CFAP221: variants seen among roughly 807,000 people sequenced by gnomAD.
CFAP221 encodes the protein cilia and flagella associated protein 221.
Under a neutral mutation model 113.1 loss-of-function variants are expected in CFAP221, and 97 were observed. The observed-to-expected ratio is 0.86, with a 90% CI of 0.73 to 1.02. CFAP221 has a LOEUF of 1.02. Ranked by LOEUF, CFAP221 falls within the 50% of genes least tolerant of loss-of-function variation. The pLI is 0.00. For synonymous variants in CFAP221, 331 were observed against 354.4 expected, an observed-to-expected ratio of 0.93 and a Z score of 0.74; for missense variants, 1,025 against 1,013.4, an observed-to-expected ratio of 1.01 and a Z score of -0.16.
intron 22 of CFAP221, among the ~76,000 whole-genome samples, chr2:119,650,934 C>T (rs1395148493): frequency 6.6e-6 from 1 of 152,148 alleles, no homozygotes; most frequent in Non-Finnish European, 1.5e-5. Context: ...ACTTCTGAAG[C>T]CTTTGTTGCC....
chr2:119,652,489 ATCTG>A (rs1436860245), intron 23 of CFAP221, among the ~76,000 whole-genome samples: 1 of 152,214 alleles, frequency 6.6e-6, no homozygotes, highest in Non-Finnish European at 1.5e-5. Flanking sequence ...AGAAAATAAA[ATCTG>A]TCTGTCACAG....
chr2:119,647,041 C>T lies in CFAP221; in HGVS notation c.2309C>T (p.Thr770Ile). The change falls in exon 22 of 24, where the codon ACA (threonine) becomes ATA (isoleucine). Residue 770 changes from threonine to isoleucine, a missense_variant. By Grantham distance (89) the Thr-to-Ile change is moderately conservative. Transcript: ENST00000413369. ...TTACCAGAAGAGGACAGACTAGAAACAGTAGAACGGTATTTTTTTTTTTTT... is the reference window on the plus strand; with the variant it reads ...TTACCAGAAGAGGACAGACTAGAAATAGTAGAACGGTATTTTTTTTTTTTT... ...DALPEEDRLE[T>I]VERELCEQNV... is the part of the protein sequence containing the mutation. 2 of 1,569,210 alleles carry T rather than the reference C, an allele frequency of 1.3e-6. No individual in the cohort carries two copies. Among genetic ancestry groups the T allele is most frequent in the Non-Finnish European group, 1.7e-6 (2 of 1,163,474 alleles).
chr2:119,599,686 AG>A (rs995205759), intron 7 of CFAP221, among the ~76,000 whole-genome samples: 1 of 152,112 alleles, frequency 6.6e-6, no homozygotes, highest in Non-Finnish European at 1.5e-5. Context: ...TCTCCTCACA[AG>A]GGGGGCCTTT....
At chr2:119,633,371 C>G (rs1195122305) in intron 19 of CFAP221, among the ~76,000 whole-genome samples, 2 of 151,156 alleles carry the variant, frequency 1.3e-5, no homozygotes, top group Non-Finnish European at 1.5e-5. Context: ...ATTAATTGGA[C>G]TTTGTCCAAA....
At chr2:119,612,781 A>G (rs1685267031) in intron 13 of CFAP221, among the ~76,000 whole-genome samples, 1 of 151,998 alleles carries the variant, frequency 6.6e-6, no homozygotes, top group Admixed American at 6.6e-5. Flanking sequence ...GGTCCTCCAA[A>G]TCTCATGTCC....
intron 12 of CFAP221, among the ~76,000 whole-genome samples, chr2:119,610,408 C>T (rs926215855): frequency 1.3e-5 from 2 of 152,068 alleles, no homozygotes; most frequent in Non-Finnish European, 2.9e-5. Context: ...AGGAGATGGC[C>T]TGAGAGTGAG....
At chr2:119,576,029 A>G (rs1055733502) in intron 6 of CFAP221, among the ~76,000 whole-genome samples, 1 of 152,180 alleles carries the variant, frequency 6.6e-6, no homozygotes, top group Non-Finnish European at 1.5e-5. Flanking sequence ...CTTTACCAAT[A>G]GGTGGGACTA....
At chr2:119,652,572 A>G (rs1443987812) in intron 23 of CFAP221, among the ~76,000 whole-genome samples, 1 of 152,216 alleles carries the variant, frequency 6.6e-6, no homozygotes, top group Admixed American at 6.5e-5. Flanking sequence ...TGTGAACCAG[A>G]GCTCAGTAAA....
At chr2:119,641,386 A>G (rs938544006) in intron 21 of CFAP221, among the ~76,000 whole-genome samples, 14 of 152,214 alleles carry the variant, frequency 9.2e-5, no homozygotes, top group African/African-American at 3.1e-4. Context: ...TCTGAAAACC[A>G]GCATCCTTGT....
At chr2:119,657,704 C>T (rs1186335480), downstream of CFAP221, among the ~76,000 whole-genome samples, 2 of 152,210 alleles carry the variant, frequency 1.3e-5, no homozygotes, top group Admixed American at 6.5e-5. Flanking sequence ...GATTGGTCAA[C>T]GTGTCCCCTT....
At chr2:119,624,048 A>G (rs1432571400) in intron 14 of CFAP221, among the ~76,000 whole-genome samples, 2 of 152,244 alleles carry the variant, frequency 1.3e-5, no homozygotes. Flanking sequence ...GAGCTTCTGC[A>G]CAGCAAAAGA....
At chr2:119,577,835 A>G (rs549083460) in intron 6 of CFAP221, among the ~76,000 whole-genome samples, 77 of 152,304 alleles carry the variant, frequency 5.1e-4, no homozygotes, top group African/African-American at 1.8e-3. Context: ...CAGGAAAGAG[A>G]ATGTTCTTTG....
chr2:119,650,964 A>C (rs558038144), intron 22 of CFAP221, among the ~76,000 whole-genome samples: 1 of 152,298 alleles, frequency 6.6e-6, no homozygotes. Flanking sequence ...TCTTGGAAGC[A>C]TTTCTCTAAT....
In CFAP221 at chr2:119,656,403, A is replaced by G. The variant is rs1688436827; in HGVS notation, c.2456A>G (p.Glu819Gly). 2 of 1,613,952 alleles carry G rather than the reference A, an allele frequency of 1.2e-6. No homozygotes were observed. The highest frequency in any genetic ancestry group is 1.7e-6 in the Non-Finnish European group (2 of 1,179,982). The change falls in exon 24 of 24, where the codon GAG becomes GGG. Residue 819 changes from glutamate to glycine, a missense_variant. Glu to Gly is a moderately conservative substitution (Grantham distance 98). Coordinates refer to ENST00000413369, the MANE Select transcript of CFAP221 (RefSeq NM_001271049.2). ...DQAQPAEKAG[E>G]KLLEEMRNLR... ...GCACAACCAGCAGAGAAGGCCGGAGAGAAGCTGCTCGAGGAGATGAGGAAC... is the reference window on the plus strand; with the variant it reads ...GCACAACCAGCAGAGAAGGCCGGAGGGAAGCTGCTCGAGGAGATGAGGAAC...
chr2:119,619,258 A>G (rs1685729739), intron 14 of CFAP221, among the ~76,000 whole-genome samples: 2 of 152,158 alleles, frequency 1.3e-5, no homozygotes, highest in Admixed American at 1.3e-4. Context: ...CTGCCTCCTC[A>G]AGTGGGTCTC....
downstream of CFAP221, among the ~76,000 whole-genome samples, chr2:119,659,378 G>A (rs1574255099): frequency 6.6e-6 from 1 of 152,300 alleles, no homozygotes; most frequent in African/African-American, 2.4e-5. Context: ...TTAGGTTCAT[G>A]TGTTACTGTT....
rs574143774 is a variant in CFAP221 at position 119,656,529 on chromosome 2, C to T, written c.*59C>T. 129 of 1,181,976 alleles carry T rather than the reference C, an allele frequency of 1.1e-4. No individual in the cohort carries two copies. Among genetic ancestry groups the T allele is most frequent in the Non-Finnish European group, 2.6e-5 (21 of 801,456 alleles). The allele number at this position is 1,181,976 out of a possible 1,614,324, so 73.2% of individuals were successfully genotyped here. On this transcript the variant is annotated 3_prime_UTR_variant, in exon 24 of 24. Transcript: ENST00000413369. ...TTCCGTGGGCCACTGTGGCCCCTTGCGTCCATTTACATGCCAGCCATCTCT... is the reference window on the plus strand; with the variant it reads ...TTCCGTGGGCCACTGTGGCCCCTTGTGTCCATTTACATGCCAGCCATCTCT...
chr2:119,553,403 T>C (rs1175523602), intron 3 of CFAP221, among the ~76,000 whole-genome samples: 1 of 152,150 alleles, frequency 6.6e-6, no homozygotes, highest in Non-Finnish European at 1.5e-5. Context: ...AATATCAACG[T>C]AAGGAACGTG....
chr2:119,600,226 C>T (rs1420551333), intron 7 of CFAP221, among the ~76,000 whole-genome samples: 3 of 152,170 alleles, frequency 2.0e-5, no homozygotes, highest in Non-Finnish European at 4.4e-5. Flanking sequence ...TTAGCACTTA[C>T]TATGTTCCAA....
Sources: gnomAD v4.1 joint callset for allele counts (sites outside exome capture counted in the v4.1 genomes callset) on GRCh38, gnomAD v4.1.1 for gene constraint, MANE v1.5 for transcripts, NCBI Gene and HGNC (gene_info 2026-07-23, HGNC 2026-07-21) for gene names.